NSG1: variants seen among roughly 807,000 people sequenced by gnomAD.
NSG1 encodes neuronal vesicle trafficking associated 1.
NSG1 carries 9 observed loss-of-function variants against 19.3 expected under a neutral mutation model. That is an observed-to-expected ratio of 0.47 (90% CI 0.28 to 0.81). NSG1 has a LOEUF of 0.81. Among genes scored for constraint, NSG1 ranks in the 40% least tolerant of loss-of-function variants. NSG1 has a pLI of 0.11. For synonymous variants in NSG1, 104 were observed against 107.0 expected (o/e 0.97, Z 0.17); for missense variants, 236 against 242.4 (o/e 0.97, Z 0.18).
In NSG1 at chr4:4,418,303, G is replaced by A. The variant is rs1266045084; in HGVS notation, c.*868G>A. 6.6e-6 allele frequency: 1 copy of A among 152,052 alleles called. No homozygotes were observed. The allele number at this position is 152,052 out of a possible 1,614,324, so 9.4% of individuals were successfully genotyped here. A position where few individuals can be genotyped will look rare whatever the true frequency, so the allele number is the denominator to read the frequency against. On this transcript the variant is annotated 3_prime_UTR_variant, in exon 5 of 5. Coordinates refer to ENST00000621129, the MANE Select transcript of NSG1 (RefSeq NM_014392.5). ...TAAATTTGCACCAATAGCCCCATTA[G>A]TTTTTAAAGAAATGAGCTGGGTGGG... is the stretch of plus-strand genomic sequence containing the variant.
chr4:4,394,659 C>T (rs192546088), intron 3 of NSG1, among the ~76,000 whole-genome samples: 16 of 152,350 alleles, frequency 1.1e-4, no homozygotes, highest in African/African-American at 3.6e-4. Flanking sequence ...ACTTACTCAT[C>T]AGCCGCTCTA....
intron 1 of NSG1, among the ~76,000 whole-genome samples, 190 bp from the exon 2 acceptor site, chr4:4,387,414 T>C (rs896218156): frequency 6.6e-6 from 1 of 152,044 alleles, no homozygotes; most frequent in East Asian, 1.9e-4. Context: ...GATGAGGGTC[T>C]AGAAATACAC....
At chr4:4,395,145 G>A (rs533204215) in intron 3 of NSG1, among the ~76,000 whole-genome samples, 2 of 152,342 alleles carry the variant, frequency 1.3e-5, no homozygotes, top group Admixed American at 1.3e-4. Flanking sequence ...CTGGGAAGGA[G>A]ATTTACCTAG....
At chr4:4,412,650 G>A (rs1724277604) in intron 4 of NSG1, among the ~76,000 whole-genome samples, 2 of 152,164 alleles carry the variant, frequency 1.3e-5, no homozygotes, top group Admixed American at 6.5e-5. Context: ...ACACACCAAC[G>A]CTAGGCAGCT....
At chr4:4,410,780 G>A (rs1037913652) in intron 4 of NSG1, among the ~76,000 whole-genome samples, 1 of 152,142 alleles carries the variant, frequency 6.6e-6, no homozygotes, top group Non-Finnish European at 1.5e-5. Context: ...CGCTGGACAT[G>A]TGGGCTACAC....
intron 4 of NSG1, among the ~76,000 whole-genome samples, chr4:4,414,633 C>A (rs1000810713): frequency 2.6e-5 from 4 of 152,202 alleles, no homozygotes; most frequent in Non-Finnish European, 5.9e-5. Context: ...TCACAGAATG[C>A]ATCCAGAAGC....
chr4:4,389,168 G>A (rs547159806), intron 2 of NSG1, among the ~76,000 whole-genome samples: 21 of 152,372 alleles, frequency 1.4e-4, no homozygotes, highest in African/African-American at 4.8e-4. Flanking sequence ...CACTTGGCCT[G>A]AGCCTCCTCT....
chr4:4,408,585 C>T (rs779127337), intron 3 of NSG1, among the ~76,000 whole-genome samples: 4 of 152,240 alleles, frequency 2.6e-5, no homozygotes, highest in Non-Finnish European at 5.9e-5. Flanking sequence ...CTCAGCTTTC[C>T]TGAGTAGCTG....
At chr4:4,413,603 C>G (rs943718508) in intron 4 of NSG1, among the ~76,000 whole-genome samples, 5 of 150,292 alleles carry the variant, frequency 3.3e-5, no homozygotes, top group African/African-American at 1.2e-4. Flanking sequence ...TGGGGACGTG[C>G]TGGTGGGGGT....
At chr4:4,397,395 G>T (rs563445085) in intron 3 of NSG1, among the ~76,000 whole-genome samples, 1 of 152,280 alleles carries the variant, frequency 6.6e-6, no homozygotes, top group South Asian at 2.1e-4. Context: ...AAAGGTTAAG[G>T]AACAGACCCA....
At chr4:4,391,380 A>C (rs768841341) in intron 2 of NSG1, 95 bp from the exon 3 acceptor site, 1 of 733,060 alleles carries the variant, frequency 1.4e-6, no homozygotes. Flanking sequence ...TTCCTGGCAA[A>C]TGGTGACTTT....
At chr4:4,388,835 C>T (rs1037536214) in intron 2 of NSG1, among the ~76,000 whole-genome samples, 8 of 152,184 alleles carry the variant, frequency 5.3e-5, no homozygotes, top group Non-Finnish European at 1.2e-4. Flanking sequence ...AGGCAGGAGC[C>T]GGGAAGAGGC....
intron 3 of NSG1, among the ~76,000 whole-genome samples, chr4:4,391,872 A>G (rs979788725): frequency 1.3e-5 from 2 of 152,270 alleles, no homozygotes; most frequent in African/African-American, 4.8e-5. Context: ...GATTATAAAC[A>G]TATGAAAAAT....
chr4:4,417,207 G>A (rs769405243), intron 4 of NSG1, 28 bp from the exon 5 acceptor site: 191 of 1,606,906 alleles, frequency 1.2e-4, no homozygotes, highest in Non-Finnish European at 1.5e-4. Flanking sequence ...GCACCGACGC[G>A]TGCTCTCAGT....
Position 4,391,537 on chromosome 4 carries a change from C to G in NSG1, c.192C>G (p.Pro64=). 6.2e-7 allele frequency: 1 copy of G among 1,613,950 alleles called. No homozygotes were observed. Among genetic ancestry groups the G allele is most frequent in the Non-Finnish European group, 8.5e-7 (1 of 1,179,964 alleles). Residue 64 remains proline (P), a synonymous_variant, in exon 3 of 5, where the codon CCC becomes CCG. Transcript: ENST00000621129. ...PDRKKGKARP[P]QIAEFTVSIT... is the part of the protein sequence containing the mutation. The stretch of plus-strand genomic sequence containing the variant: ...GCAAGAAAGGGAAAGCACGTCCTCC[C>G]CAAATTGCTGAGTTCACCGTCAGCA...
At position 4,391,482 on chromosome 4, in the gene NSG1, T is replaced by G; in HGVS notation, c.137T>G (p.Val46Gly). ...LQFPPPDKVV[V>G]KTKTEYEPDR... is the part of the protein sequence containing the mutation. ...CTCTGTTTCCTGGATAAGGTGGTCG[T>G]GAAAACTAAGACCGAGTATGAACCT... Residue 46 changes from valine (V) to glycine (G), a missense_variant, in exon 3 of 5, where the codon GTG (valine) becomes GGG (glycine). Coordinates refer to ENST00000621129, the MANE Select transcript of NSG1 (RefSeq NM_014392.5). The G allele has an allele frequency of 6.2e-7, 1 of 1,607,908 alleles. No individual in the cohort carries two copies.
intron 3 of NSG1, among the ~76,000 whole-genome samples, chr4:4,402,031 C>A (rs1025590739): frequency 6.8e-6 from 1 of 146,264 alleles, no homozygotes; most frequent in African/African-American, 2.5e-5. Flanking sequence ...CAGATGCTTA[C>A]CCCCATGCCC....
In NSG1 at chr4:4,391,514, A is replaced by C; in HGVS notation, c.169A>C (p.Lys57Gln). ...TAAGACCGAGTATGAACCTGACCGC[A>C]AGAAAGGGAAAGCACGTCCTCCCCA... Reference protein sequence around the residue: ...KTKTEYEPDRKKGKARPPQIA... With the variant: ...KTKTEYEPDRQKGKARPPQIA... Residue 57 changes from lysine to glutamine, a missense_variant, in exon 3 of 5, where the codon AAG becomes CAG. Transcript: ENST00000621129. 2 of 1,613,472 alleles carry C rather than the reference A, an allele frequency of 1.2e-6. No homozygotes were observed. Among genetic ancestry groups the C allele is most frequent in the Non-Finnish European group, 8.5e-7 (1 of 1,179,820 alleles).
At chr4:4,416,164 C>G in intron 4 of NSG1, 1 of 702,376 alleles carries the variant, frequency 1.4e-6, no homozygotes, top group Non-Finnish European at 2.6e-6. Context: ...GGTGAGGGAC[C>G]TGAGATTGAG....
Sources: allele counts gnomAD v4.1 joint callset (sites outside exome capture counted in the v4.1 genomes callset), GRCh38; gene constraint gnomAD v4.1.1; transcripts MANE v1.5; gene names NCBI Gene and HGNC (gene_info 2026-07-23, HGNC 2026-07-21).